The following DPYD variants were observed in gnomAD, a reference collection of about 807,000 sequenced individuals.
The protein encoded by DPYD is dihydropyrimidine dehydrogenase, also known as dihydropyrimidine dehydrogenase [NADP(+)].
In DPYD, 109 loss-of-function variants were observed where a neutral mutation model predicts 116.2. The observed-to-expected ratio is 0.94, with a 90% CI of 0.80 to 1.10. DPYD has a LOEUF of 1.10. Among genes scored for constraint, DPYD ranks in the 50% least tolerant of loss-of-function variants. DPYD has a pLI of 0.00. For synonymous variants in DPYD, 440 were observed against 432.0 expected (o/e 1.02, Z -0.23); for missense variants, 1,302 against 1,254.5 (o/e 1.04, Z -0.57).
chr1:97,650,764 A>G (rs1034315087), intron 8 of DPYD, among the ~76,000 whole-genome samples: 13 of 152,102 alleles, frequency 8.5e-5, no homozygotes, highest in African/African-American at 3.1e-4. Context: ...TATCATTCCT[A>G]TTATGAATAT....
intron 16 of DPYD, among the ~76,000 whole-genome samples, chr1:97,355,125 C>A (rs905453963): frequency 6.6e-6 from 1 of 152,070 alleles, no homozygotes; most frequent in African/African-American, 2.4e-5. Context: ...ACTTTTATTG[C>A]AATCACCTTA....
intron 3 of DPYD, among the ~76,000 whole-genome samples, chr1:97,824,504 G>A (rs369057218): frequency 2.6e-5 from 4 of 152,022 alleles, no homozygotes; most frequent in Admixed American, 6.6e-5. Context: ...TTAAACATTC[G>A]GTTCTTCAGT....
At chr1:97,712,915 C>T (rs959643022) in intron 5 of DPYD, among the ~76,000 whole-genome samples, 2 of 152,070 alleles carry the variant, frequency 1.3e-5, no homozygotes, top group Non-Finnish European at 2.9e-5. Context: ...CAGTCCTCTA[C>T]CATGCAAGAT....
chr1:97,564,145 T>C lies in DPYD; in HGVS notation c.1339+9615A>G, dbSNP rs180813735. ...TTTCGCAATCGGTACACAGGATCTA[T>C]CAATGTTATTATTCAGGCATTTTAA... On this transcript the variant is annotated intron_variant, in intron 11 of 22. Transcript: ENST00000370192. Among the ~76,000 whole-genome samples, 254 of 152,240 alleles carry C rather than the reference T, an allele frequency of 1.7e-3. 1 individual carries two copies. Among genetic ancestry groups the C allele is most frequent in the African/African-American group, 6.0e-3 (249 of 41,554 alleles).
At chr1:97,539,079 T>C (rs949862973) in intron 12 of DPYD, among the ~76,000 whole-genome samples, 42 of 152,292 alleles carry the variant, frequency 2.8e-4, no homozygotes, top group Non-Finnish European at 2.4e-4. Flanking sequence ...AGTAGAAATA[T>C]TGAACCTAAG....
chr1:97,551,804 G>A (rs1481719186), intron 11 of DPYD, among the ~76,000 whole-genome samples: 2 of 151,990 alleles, frequency 1.3e-5, no homozygotes, highest in African/African-American at 4.8e-5. Context: ...ACTGTGCATT[G>A]AAAATATTTG....
intron 19 of DPYD, among the ~76,000 whole-genome samples, chr1:97,205,085 C>T (rs10783055): frequency 0.13 from 20,030 of 152,004 alleles, 1,607 homozygotes; most frequent in East Asian, 0.28. Context: ...CCCCCAAACT[C>T]GGCACCTTCC....
At chr1:97,390,873 C>T (rs1672654138) in intron 14 of DPYD, among the ~76,000 whole-genome samples, 2 of 151,724 alleles carry the variant, frequency 1.3e-5, no homozygotes, top group Non-Finnish European at 2.9e-5. Flanking sequence ...GTTTCTGTCC[C>T]CAATATGCTT....
At chr1:97,890,658 T>C (rs1171603498) in intron 1 of DPYD, among the ~76,000 whole-genome samples, 3 of 151,960 alleles carry the variant, frequency 2.0e-5, no homozygotes, top group Non-Finnish European at 4.4e-5. Context: ...TTTCAACCAT[T>C]ACTAATCTCA....
chr1:97,206,687 T>TATATATATATATATAA lies in DPYD; in HGVS notation c.2443-13440_2443-13439insTTATATATATATATAT, dbSNP rs539927395. 5.4e-4 allele frequency among the ~76,000 whole-genome samples: 39 copies of TATATATATATATATAA among 71,580 alleles called. 4 individuals carry two copies. The highest frequency in any genetic ancestry group is 1.5e-3 in the East Asian group (2 of 1,330). The allele number at this position is 71,580 out of a possible 152,430, so 47.0% of individuals were successfully genotyped here. On this transcript the variant is annotated intron_variant, in intron 19 of 22. Coordinates refer to ENST00000370192, the MANE Select transcript of DPYD (RefSeq NM_000110.4). Reference sequence around the variant, plus strand: ...ATATATATATATATATATATATATATAATCTATATGCTTATAATGCATATG... The same window carrying TATATATATATATATAA: ...ATATATATATATATATATATATATATATATATATATATATAAAATCTATATGCTTATAATGCATATG...
At chr1:97,540,362 C>CAAAA (rs1314639713) in intron 12 of DPYD, among the ~76,000 whole-genome samples, 1 of 103,132 alleles carries the variant, frequency 9.7e-6, no homozygotes, top group Admixed American at 8.1e-5. Flanking sequence ...GGGCAGGGAA[C>CAAAA]AAAACAAAAC....
intron 10 of DPYD, among the ~76,000 whole-genome samples, chr1:97,581,184 TG>T (rs1328147055): frequency 6.7e-6 from 1 of 148,262 alleles, no homozygotes; most frequent in Non-Finnish European, 1.5e-5. Flanking sequence ...AAAAATTAGC[TG>T]GGGTGGTGGC....
chr1:97,595,471 A>G (rs1344899191), intron 8 of DPYD, among the ~76,000 whole-genome samples: 1 of 152,042 alleles, frequency 6.6e-6, no homozygotes, highest in African/African-American at 2.4e-5. Flanking sequence ...ATCAGGTTAT[A>G]TTCTTGCCTC....
In DPYD at chr1:97,305,330, C is replaced by T. The variant is rs2101036269; in HGVS notation, c.2228G>A (p.Gly743Glu). The T allele has an allele frequency of 1.2e-6, 2 of 1,612,490 alleles. No individual in the cohort carries two copies. The highest frequency in any genetic ancestry group is 2.2e-5 in the South Asian group (2 of 91,062). ...TATNTVSGLM[G>E]LKSDGTPWPA... Reference sequence around the variant, plus strand: ...CCAAGGTGTGCCATCAGATTTTAATCCCATCAGACCTGAGACAGTGTTGGT... The same window carrying T: ...CCAAGGTGTGCCATCAGATTTTAATTCCATCAGACCTGAGACAGTGTTGGT... The change falls in exon 18 of 23, where the codon GGA (glycine) becomes GAA (glutamate). Residue 743 changes from glycine (G) to glutamate (E), a missense_variant. Physicochemically the swap from Gly to Glu is moderately conservative, Grantham distance 98 (BLOSUM62 -2). Transcript: ENST00000370192.
At chr1:97,567,219 A>C (rs1455767716) in intron 11 of DPYD, among the ~76,000 whole-genome samples, 13 of 151,962 alleles carry the variant, frequency 8.6e-5, no homozygotes, top group Admixed American at 8.5e-4. Context: ...TCAAAGCTAC[A>C]CTCAAAGCTG....
chr1:97,328,104 T>C (rs1343969307), intron 16 of DPYD, among the ~76,000 whole-genome samples: 7 of 152,126 alleles, frequency 4.6e-5, no homozygotes, highest in Non-Finnish European at 4.4e-5. Context: ...AAATCTCCTC[T>C]GTCCTCTGAG....
At chr1:97,112,546 C>T (rs1651675384) in intron 20 of DPYD, among the ~76,000 whole-genome samples, 1 of 152,120 alleles carries the variant, frequency 6.6e-6, no homozygotes, top group Non-Finnish European at 1.5e-5. Flanking sequence ...TACCATGCTA[C>T]TTCACGAACA....
intron 3 of DPYD, among the ~76,000 whole-genome samples, chr1:97,807,956 G>A (rs772122459): frequency 3.3e-5 from 5 of 152,162 alleles, no homozygotes; most frequent in African/African-American, 4.8e-5. Context: ...TCTGGGCTCT[G>A]TATTCCAGCT....
intron 18 of DPYD, among the ~76,000 whole-genome samples, chr1:97,291,999 AT>A (rs1349901991): frequency 6.6e-6 from 1 of 152,166 alleles, no homozygotes; most frequent in African/African-American, 2.4e-5. Flanking sequence ...CAAAATTATA[AT>A]GCGTTATACC....
Sources: gnomAD v4.1 joint callset for allele counts (sites outside exome capture counted in the v4.1 genomes callset) on GRCh38, gnomAD v4.1.1 for gene constraint, MANE v1.5 for transcripts, NCBI Gene and HGNC (gene_info 2026-07-23, HGNC 2026-07-21) for gene names.